The following UNG variants were observed in gnomAD, a reference collection of about 807,000 sequenced individuals.
UNG encodes the protein uracil-DNA glycosylase.
A neutral mutation model predicts 36.5 loss-of-function variants in UNG; 34 were observed. The ratio of observed to expected loss-of-function variants is 0.93; its 90% CI spans 0.71 to 1.24. The LOEUF (loss-of-function observed/expected upper bound fraction) is 1.24. Among genes scored for constraint, UNG ranks in the 50% most tolerant of loss-of-function variants. UNG has a pLI of 0.00. For synonymous variants in UNG, 172 were observed against 157.8 expected, an observed-to-expected ratio of 1.09 and a Z score of -0.67; for missense variants, 391 against 397.6, an observed-to-expected ratio of 0.98 and a Z score of 0.14.
intron 4 of UNG, 48 bp from the exon 5 acceptor site, chr12:109,102,791 A>T (rs752062644): frequency 6.7e-7 from 1 of 1,499,662 alleles, no homozygotes; most frequent in East Asian, 2.3e-5. Flanking sequence ...AGCTTTCAAA[A>T]TTATGCTTAA....
chr12:109,099,148 A>T, intron 2 of UNG, 41 bp from the exon 3 acceptor site: 1 of 1,562,322 alleles, frequency 6.4e-7, no homozygotes, highest in Non-Finnish European at 8.8e-7. Flanking sequence ...TATGGTTTCC[A>T]ATGAGAATCT....
chr12:109,098,056 T>G, intron 1 of UNG: 1 of 1,374,288 alleles, frequency 7.3e-7, no homozygotes, highest in South Asian at 1.7e-5. Flanking sequence ...CCCTCCTGGC[T>G]CGGTGCGCTG....
intron 1 of UNG, 149 bp from the exon 2 acceptor site, chr12:109,098,283 C>T: frequency 1.3e-6 from 2 of 1,562,692 alleles, no homozygotes; most frequent in South Asian, 1.2e-5. Context: ...CCGGGCCCAG[C>T]CCTGGGCTCT....
intron 6 of UNG, among the ~76,000 whole-genome samples, chr12:109,108,063 C>T (rs1409192431): frequency 1.3e-5 from 2 of 152,128 alleles, no homozygotes; most frequent in Non-Finnish European, 2.9e-5. Flanking sequence ...GAGGTCATCT[C>T]ATCAGTATAT....
At chr12:109,104,444 C>T (rs3219242) in intron 6 of UNG, among the ~76,000 whole-genome samples, 2,265 of 152,144 alleles carry the variant, frequency 0.015, 55 homozygotes, top group African/African-American at 0.05. Context: ...TATCTGCTAC[C>T]TCCCTCTTTC....
chr12:109,101,871 T>C, intron 3 of UNG, 31 bp from the exon 4 acceptor site: 4 of 1,583,640 alleles, frequency 2.5e-6, no homozygotes, highest in Non-Finnish European at 3.5e-6. Flanking sequence ...ATTACAGTAT[T>C]GTTTAATTCC....
intron 6 of UNG, among the ~76,000 whole-genome samples, chr12:109,105,393 G>A (rs747323870): frequency 6.6e-6 from 1 of 152,166 alleles, no homozygotes; most frequent in East Asian, 1.9e-4. Context: ...GGAGGTTTAC[G>A]GCCAGTGTTG....
chr12:109,098,788 C>A, intron 2 of UNG, 150 bp downstream of exon 2: 1 of 1,064,758 alleles, frequency 9.4e-7, no homozygotes, highest in Non-Finnish European at 1.4e-6. Flanking sequence ...TAAAAGAAAG[C>A]CATGATGTTT....
intron 6 of UNG, among the ~76,000 whole-genome samples, chr12:109,106,916 T>TATATACACACATATATATATAC (rs1491420686): frequency 5.0e-5 from 2 of 40,162 alleles, no homozygotes; most frequent in African/African-American, 4.2e-4. Flanking sequence ...TATATATATA[T>TATATACACACATATATATATAC]GTGTATATAT....
rs549238144 is a variant in UNG, at chr12:109,104,079, C to T, written c.801+468C>T. On this transcript the variant is annotated intron_variant, in intron 6 of 6. Coordinates refer to ENST00000242576, the MANE Select transcript of UNG (RefSeq NM_080911.3). ...GGTTTTTTGTTTTTTGATGGAGTCT[C>T]GCTCTGTTGCCCAGGCTGTAGTGCA... Among the ~76,000 whole-genome samples the T allele has an allele frequency of 1.4e-4, 9 of 66,180 alleles. No individual in the cohort carries two copies. In the South Asian group the frequency reaches 2.2e-3, roughly 16 times the overall value. 43.4% of individuals were successfully genotyped at this position (66,180 alleles called of 152,430 possible). A position where few individuals can be genotyped will look rare whatever the true frequency, so the allele number is the denominator to read the frequency against.
intron 4 of UNG, among the ~76,000 whole-genome samples, chr12:109,102,626 C>T (rs1254033579): frequency 1.3e-5 from 2 of 152,074 alleles, no homozygotes; most frequent in Non-Finnish European, 2.9e-5. Context: ...CTGTTAAATC[C>T]AAGTACAGAC....
intron 3 of UNG, among the ~76,000 whole-genome samples, chr12:109,100,459 A>G (rs2042168130): frequency 6.6e-6 from 1 of 152,248 alleles, no homozygotes; most frequent in African/African-American, 2.4e-5. Flanking sequence ...TCATCTTGAT[A>G]AGGCAGCCAC....
At chr12:109,101,584 C>T (rs1199856299) in intron 3 of UNG, among the ~76,000 whole-genome samples, 1 of 152,006 alleles carries the variant, frequency 6.6e-6, no homozygotes, top group Non-Finnish European at 1.5e-5. Flanking sequence ...GTGGTGCACT[C>T]CTGTGGGCCC....
intron 4 of UNG, 91 bp from the exon 5 acceptor site, chr12:109,102,748 C>A (rs1037677500): frequency 2.7e-6 from 3 of 1,094,404 alleles, no homozygotes; most frequent in Non-Finnish European, 4.2e-6. Context: ...GCTGTAACTT[C>A]TAACCTTTTC....
Position 109,098,538 on chromosome 12 carries a change from C to A in UNG, c.239C>A (p.Ala80Glu). Residue 80 changes from alanine (A) to glutamate (E), a missense_variant, in exon 2 of 7, where the codon GCG (alanine) becomes GAG (glutamate). By Grantham distance (107) the Ala-to-Glu change is moderately radical (BLOSUM62 -1). Coordinates refer to ENST00000242576, the MANE Select transcript of UNG (RefSeq NM_080911.3). ...QLDRIQRNKA[A>E]ALLRLAARNV... ...GACCGGATCCAGAGGAACAAGGCCGCGGCCCTGCTCAGACTCGCGGCCCGC... is the reference window on the plus strand; with the variant it reads ...GACCGGATCCAGAGGAACAAGGCCGAGGCCCTGCTCAGACTCGCGGCCCGC... The A allele has an allele frequency of 6.2e-7, 1 of 1,612,982 alleles. No individual in the cohort carries two copies. Among genetic ancestry groups the A allele is most frequent in the Non-Finnish European group, 8.5e-7 (1 of 1,179,910 alleles).
In UNG at chr12:109,110,158, T is replaced by G; in HGVS notation, c.*189T>G. 2 of 696,350 alleles carry G rather than the reference T, an allele frequency of 2.9e-6. No homozygotes were observed. The highest frequency in any genetic ancestry group is 4.8e-6 in the Non-Finnish European group (2 of 417,934). 43.1% of individuals were successfully genotyped at this position (696,350 alleles called of 1,614,324 possible). On this transcript the variant is annotated 3_prime_UTR_variant, in exon 7 of 7. Coordinates refer to ENST00000242576, the MANE Select transcript of UNG (RefSeq NM_080911.3). ...CAACCACAAACAACAAAGGCTACCC[T>G]TTGACCAAATGTCTTTCTCTGCAAC...
At position 109,103,629 on chromosome 12, in the gene UNG, T is replaced by C. The variant is rs773820400; in HGVS notation, c.801+18T>C. 2 of 1,567,376 alleles carry C rather than the reference T, an allele frequency of 1.3e-6. No individual in the cohort carries two copies. Among genetic ancestry groups the C allele is most frequent in the Non-Finnish European group, 1.7e-6 (2 of 1,156,226 alleles). ...TTGATAGGGTATGTTTTGTTTTCTT[T>C]CTTTTTTTTCTTTTTTTTTTAACAC... On this transcript the variant is annotated intron_variant, in intron 6 of 6. Transcript: ENST00000242576.
intron 6 of UNG, among the ~76,000 whole-genome samples, chr12:109,107,587 G>A (rs969744796): frequency 7.0e-6 from 1 of 141,880 alleles, no homozygotes. Flanking sequence ...GTGCAATGGC[G>A]TGATCTCAGT....
Position 109,103,601 on chromosome 12 carries a change from C to T in UNG, c.791C>T (p.Ala264Val). 6.2e-6 allele frequency: 10 copies of T among 1,612,764 alleles called. No homozygotes were observed. The highest frequency in any genetic ancestry group is 8.5e-6 in the Non-Finnish European group (10 of 1,179,678). ...TCTTATGCTCAGAAGAAGGGCAGTG[C>T]CATTGATAGGGTATGTTTTGTTTTC... is the stretch of plus-strand genomic sequence containing the variant. ...WGSYAQKKGS[A>V]IDRKRHHVLQ... The change falls in exon 6 of 7, where the codon GCC (alanine) becomes GTC (valine). Residue 264 changes from alanine to valine, a missense_variant. Ala to Val is a moderately conservative substitution (Grantham distance 64). Transcript: ENST00000242576.
Sources: gnomAD v4.1 joint callset for allele counts (sites outside exome capture counted in the v4.1 genomes callset) on GRCh38, gnomAD v4.1.1 for gene constraint, MANE v1.5 for transcripts, NCBI Gene and HGNC (gene_info 2026-07-23, HGNC 2026-07-21) for gene names.